The following ZBTB2 variants were observed in gnomAD, a reference collection of about 807,000 sequenced individuals.
ZBTB2 encodes the protein zinc finger and BTB domain containing 2, also known as zinc finger and BTB domain-containing protein 2.
A neutral mutation model predicts 39.5 loss-of-function variants in ZBTB2; 2 were observed. The observed-to-expected ratio is 0.05, with a 90% CI of 0.02 to 0.16. The LOEUF (loss-of-function observed/expected upper bound fraction) is 0.16, where lower values mean the gene tolerates loss of function less well. Among genes scored for constraint, ZBTB2 ranks in the 10% least tolerant of loss-of-function variants. The pLI is 1.00. For synonymous variants in ZBTB2, 251 were observed against 256.6 expected (o/e 0.98, Z 0.21); for missense variants, 391 against 653.0 (o/e 0.60, Z 4.37).
chr6:151,369,876 C>T (rs1778747355), intron 2 of ZBTB2, among the ~76,000 whole-genome samples: 1 of 152,026 alleles, frequency 6.6e-6, no homozygotes. Flanking sequence ...GGATCGCACT[C>T]CAGCCTGGGC....
intron 1 of ZBTB2, among the ~76,000 whole-genome samples, chr6:151,380,335 G>A (rs1232567041): frequency 1.3e-5 from 2 of 152,220 alleles, no homozygotes; most frequent in Admixed American, 6.5e-5. Context: ...GCAAAAGGGT[G>A]GAGAAGGTAC....
chr6:151,369,090 T>C (rs1160806874), intron 2 of ZBTB2, among the ~76,000 whole-genome samples: 3 of 152,316 alleles, frequency 2.0e-5, no homozygotes, highest in Non-Finnish European at 2.9e-5. Context: ...TGTAATTCTT[T>C]TCTCATTCAT....
At chr6:151,385,279 A>G (rs1779128014) in intron 1 of ZBTB2, among the ~76,000 whole-genome samples, 1 of 152,216 alleles carries the variant, frequency 6.6e-6, no homozygotes, top group African/African-American at 2.4e-5. Flanking sequence ...CCTAGAGCCA[A>G]ATACAAATGA....
intron 2 of ZBTB2, among the ~76,000 whole-genome samples, chr6:151,369,533 T>G (rs775107932): frequency 2.0e-5 from 3 of 152,100 alleles, no homozygotes; most frequent in Non-Finnish European, 4.4e-5. Context: ...TTGCCCAGGT[T>G]GGTCTTGAAC....
chr6:151,374,673 T>A (rs115382638), intron 1 of ZBTB2, among the ~76,000 whole-genome samples: 2,143 of 151,752 alleles, frequency 0.014, 53 homozygotes, highest in African/African-American at 0.049. Context: ...AACACAGCAC[T>A]GGAAGTTCTA....
At chr6:151,377,841 AT>A (rs911837208) in intron 1 of ZBTB2, among the ~76,000 whole-genome samples, 4 of 152,024 alleles carry the variant, frequency 2.6e-5, no homozygotes, top group Non-Finnish European at 5.9e-5. Flanking sequence ...GGCAAGTTAA[AT>A]TTTTAAAAGC....
intron 1 of ZBTB2, among the ~76,000 whole-genome samples, chr6:151,376,366 C>T (rs1242587653): frequency 6.6e-6 from 1 of 152,112 alleles, no homozygotes. Context: ...AAAACTTTTG[C>T]TCTCCGAAAG....
intron 1 of ZBTB2, among the ~76,000 whole-genome samples, chr6:151,381,018 A>G (rs1779022999): frequency 6.6e-6 from 1 of 152,124 alleles, no homozygotes. Context: ...TGGCCAAACC[A>G]GAAATCTCAA....
intron 2 of ZBTB2, among the ~76,000 whole-genome samples, chr6:151,368,403 C>A (rs192899743): frequency 6.6e-6 from 1 of 152,286 alleles, no homozygotes; most frequent in Admixed American, 6.5e-5. Flanking sequence ...CCCGCCTCGG[C>A]CTCCCAAAGT....
chr6:151,367,704 T>A (rs948302380), intron 2 of ZBTB2, among the ~76,000 whole-genome samples: 12 of 152,240 alleles, frequency 7.9e-5, no homozygotes, highest in Admixed American at 2.6e-4. Context: ...CAATCCTGTA[T>A]GGTAGATAAA....
intron 2 of ZBTB2, 86 bp downstream of exon 2, chr6:151,373,377 TAG>T (rs1244821525): frequency 1.2e-5 from 18 of 1,460,058 alleles, no homozygotes; most frequent in Admixed American, 1.8e-5. Flanking sequence ...CTAGGAGACG[TAG>T]AGAGACCCAT....
chr6:151,372,763 G>A (rs1265663452), intron 2 of ZBTB2, among the ~76,000 whole-genome samples: 1 of 152,110 alleles, frequency 6.6e-6, no homozygotes, highest in Non-Finnish European at 1.5e-5. Flanking sequence ...ATACTCAGGG[G>A]ACTGGGGCTG....
At chr6:151,385,321 T>C (rs927059581) in intron 1 of ZBTB2, among the ~76,000 whole-genome samples, 1 of 152,240 alleles carries the variant, frequency 6.6e-6, no homozygotes, top group Non-Finnish European at 1.5e-5. Context: ...TTGGTTTTCA[T>C]TGCCACTGTT....
At chr6:151,374,951 A>C (rs1778874045) in intron 1 of ZBTB2, among the ~76,000 whole-genome samples, 1 of 150,260 alleles carries the variant, frequency 6.7e-6, no homozygotes, top group Admixed American at 6.6e-5. Context: ...AAAAAAAAAA[A>C]AAACAACAAA....
At chr6:151,383,621 C>T (rs1359290195) in intron 1 of ZBTB2, among the ~76,000 whole-genome samples, 1 of 152,076 alleles carries the variant, frequency 6.6e-6, no homozygotes, top group South Asian at 2.1e-4. Context: ...GCTTCACTCT[C>T]GAGGCTGGGC....
chr6:151,386,286 T>C (rs1779145989), intron 1 of ZBTB2, among the ~76,000 whole-genome samples: 1 of 152,212 alleles, frequency 6.6e-6, no homozygotes, highest in South Asian at 2.1e-4. Context: ...GGCTCACCCC[T>C]GTAATCTCAG....
chr6:151,384,201 A>G (rs761031634), intron 1 of ZBTB2, among the ~76,000 whole-genome samples: 8 of 152,242 alleles, frequency 5.3e-5, no homozygotes, highest in Non-Finnish European at 1.0e-4. Flanking sequence ...AATAACCCGG[A>G]AGGGTAGAGA....
intron 1 of ZBTB2, among the ~76,000 whole-genome samples, chr6:151,384,869 T>C (rs1388916214): frequency 6.6e-6 from 1 of 152,170 alleles, no homozygotes; most frequent in South Asian, 2.1e-4. Flanking sequence ...AGAGTCAGGA[T>C]TGAACTCTGG....
chr6:151,390,627 G>A (rs1032682043), intron 1 of ZBTB2, among the ~76,000 whole-genome samples: 2 of 151,278 alleles, frequency 1.3e-5, no homozygotes, highest in Non-Finnish European at 3.0e-5. Context: ...GAGGCCGGAA[G>A]CGCGCGTGCG....
Sources: gnomAD v4.1 joint callset for allele counts (sites outside exome capture counted in the v4.1 genomes callset) on GRCh38, gnomAD v4.1.1 for gene constraint, MANE v1.5 for transcripts, NCBI Gene and HGNC (gene_info 2026-07-23, HGNC 2026-07-21) for gene names.